The following HOMER2 variants were observed in gnomAD, a reference collection of about 807,000 sequenced individuals.
HOMER2 encodes homer scaffold protein 2, also known as homer protein homolog 2.
Under a neutral mutation model 47.0 loss-of-function variants are expected in HOMER2, and 27 were observed. The observed-to-expected ratio is 0.57, with a 90% CI of 0.42 to 0.79. The LOEUF (loss-of-function observed/expected upper bound fraction) is 0.79. HOMER2 is among the 30% of genes least tolerant of loss of function. HOMER2 has a pLI of 0.00. For missense variants in HOMER2, 443 were observed against 435.0 expected (o/e 1.02, Z -0.16); for synonymous variants, 161 against 163.8 (o/e 0.98, Z 0.13).
At chr15:82,854,977 C>A (rs930745517) in intron 5 of HOMER2, among the ~76,000 whole-genome samples, 177 bp from the exon 6 acceptor site, 2 of 152,152 alleles carry the variant, frequency 1.3e-5, no homozygotes, top group African/African-American at 4.8e-5. Flanking sequence ...GAGGGACTGG[C>A]CCCTCTCTCT....
intron 1 of HOMER2, among the ~76,000 whole-genome samples, chr15:82,895,256 G>A (rs1596330395): frequency 6.6e-6 from 1 of 152,192 alleles, no homozygotes; most frequent in Non-Finnish European, 1.5e-5. Context: ...CCCTCAAACA[G>A]AGACCAAGTT....
chr15:82,978,542 T>A (rs1175919816), intron 1 of HOMER2, among the ~76,000 whole-genome samples: 2 of 152,128 alleles, frequency 1.3e-5, no homozygotes, highest in Admixed American at 6.5e-5. Flanking sequence ...CTTTAAACAG[T>A]TTGATATGGG....
chr15:82,868,279 T>G (rs1479902145), intron 3 of HOMER2, among the ~76,000 whole-genome samples: 7 of 151,202 alleles, frequency 4.6e-5, no homozygotes, highest in African/African-American at 1.7e-4. Flanking sequence ...ATTCTGTAGG[T>G]TGTCTGTTTA....
At chr15:82,893,769 G>A (rs921015201) in intron 1 of HOMER2, among the ~76,000 whole-genome samples, 16 of 151,938 alleles carry the variant, frequency 1.1e-4, no homozygotes, top group Admixed American at 3.3e-4. Context: ...CTACAGGCAC[G>A]TGACACCACA....
At chr15:82,893,004 A>G (rs2052768316) in intron 1 of HOMER2, among the ~76,000 whole-genome samples, 163 bp from the exon 2 acceptor site, 1 of 152,356 alleles carries the variant, frequency 6.6e-6, no homozygotes, top group African/African-American at 2.4e-5. Context: ...AGAAAAAAAG[A>G]GACACCAGTG....
In HOMER2 at chr15:82,855,665, C is replaced by CA. The variant is rs1412160823; in HGVS notation, c.495-866dup. On this transcript the variant is annotated intron_variant, in intron 5 of 8. Coordinates refer to ENST00000450735, the MANE Select transcript of HOMER2 (RefSeq NM_004839.4). ...GAGACAGGAGAGAGTGACCAGGAAT[C>CA]AGTGCCCTGGGGGCACAACAGGGGT... is the stretch of plus-strand genomic sequence containing the variant. Among the ~76,000 whole-genome samples the CA allele has an allele frequency of 2.6e-5, 4 of 152,368 alleles. No homozygotes were observed. The East Asian group carries it at 7.7e-4, about 29-fold the overall frequency.
chr15:82,973,296 G>A (rs1480032982), intron 1 of HOMER2, among the ~76,000 whole-genome samples: 1 of 152,140 alleles, frequency 6.6e-6, no homozygotes, highest in Admixed American at 6.6e-5. Flanking sequence ...TCCCTTCCAT[G>A]GGCAGGGCAC....
At chr15:82,983,787 T>A (rs1190858383) in intron 1 of HOMER2, among the ~76,000 whole-genome samples, 2 of 151,170 alleles carry the variant, frequency 1.3e-5, no homozygotes, top group Non-Finnish European at 2.9e-5. Context: ...AGACAGGATT[T>A]CACCATGTTG....
In HOMER2 at chr15:82,913,097, G is replaced by T. The variant is rs1288035315; in HGVS notation, c.6-20256C>A. On this transcript the variant is annotated intron_variant, in intron 1 of 8. Coordinates refer to ENST00000450735, the MANE Select transcript of HOMER2 (RefSeq NM_004839.4). The surrounding 1 kb of genome is among the most constrained non-coding windows in gnomAD (Gnocchi z 4.1). ...AAGCAAATGGTTTTTATGCGGTGCA[G>T]CCTTGGAAGTTACAAGCAAACCTGC... Among the ~76,000 whole-genome samples the T allele has an allele frequency of 5.9e-5, 9 of 152,182 alleles. No individual in the cohort carries two copies. Among genetic ancestry groups the T allele is most frequent in the Non-Finnish European group, 1.3e-4 (9 of 68,030 alleles).
At chr15:82,858,953 C>G (rs1446459390) in intron 5 of HOMER2, 76 bp downstream of exon 5, 11 of 1,512,436 alleles carry the variant, frequency 7.3e-6, no homozygotes, top group East Asian at 2.3e-5. Context: ...TTCCTGAAAC[C>G]CTGTCCAGCA....
At chr15:82,846,772 T>C (rs1002051542), downstream of HOMER2, 2 of 152,198 alleles carry the variant, frequency 1.3e-5, no homozygotes, top group Non-Finnish European at 2.9e-5. Context: ...TGGTTCTCTT[T>C]CCCTCCAAGG....
chr15:82,958,550 G>A (rs966731441), exon 2 of HOMER2: 1 of 152,370 alleles, frequency 6.6e-6, no homozygotes, highest in African/African-American at 2.4e-5. Context: ...GGCATGATCA[G>A]ACTTGTGTCT....
intron 3 of HOMER2, among the ~76,000 whole-genome samples, chr15:82,867,493 A>T (rs2052013013): frequency 1.3e-5 from 2 of 152,192 alleles, no homozygotes; most frequent in South Asian, 4.1e-4. Context: ...ACTGAAAAGT[A>T]TGACAAGCCC....
At chr15:82,905,659 T>G (rs772335159) in intron 1 of HOMER2, among the ~76,000 whole-genome samples, 1 of 151,840 alleles carries the variant, frequency 6.6e-6, no homozygotes, top group Non-Finnish European at 1.5e-5. Flanking sequence ...AAGAATGGAG[T>G]AAAATATATA....
chr15:82,933,694 G>A (rs2054071583), intron 1 of HOMER2, among the ~76,000 whole-genome samples: 1 of 152,198 alleles, frequency 6.6e-6, no homozygotes, highest in Non-Finnish European at 1.5e-5. Flanking sequence ...TGGGAGCGGG[G>A]CAGGCCCACT....
upstream of HOMER2, chr15:82,986,143 C>G: frequency 1.0e-6 from 1 of 984,198 alleles, no homozygotes; most frequent in South Asian, 4.7e-5. Context: ...GCGATCCACA[C>G]GGAGAGCCTT....
upstream of HOMER2, among the ~76,000 whole-genome samples, chr15:82,954,199 G>C (rs2054561884): frequency 6.6e-6 from 1 of 152,162 alleles, no homozygotes; most frequent in Non-Finnish European, 1.5e-5. Context: ...CACTGAACAA[G>C]TCATTTATCA....
intron 1 of HOMER2, among the ~76,000 whole-genome samples, chr15:82,951,442 G>C (rs1172072136): frequency 6.6e-6 from 1 of 152,188 alleles, no homozygotes; most frequent in East Asian, 1.9e-4. Context: ...ACTGACCCAG[G>C]GGGGCTGAGC....
chr15:82,918,135 C>G (rs1380646812), intron 1 of HOMER2, among the ~76,000 whole-genome samples: 1 of 152,090 alleles, frequency 6.6e-6, no homozygotes. Flanking sequence ...CATCAAAGTC[C>G]CAGTGTCTAC....
Sources: allele counts gnomAD v4.1 joint callset (sites outside exome capture counted in the v4.1 genomes callset), GRCh38; gene constraint gnomAD v4.1.1; non-coding constraint Gnocchi (gnomAD v3.1); transcripts MANE v1.5; gene names NCBI Gene and HGNC (gene_info 2026-07-23, HGNC 2026-07-21).